Variants in AGBL1 observed in about 807,000 individuals in gnomAD.
AGBL1 encodes the protein cytosolic carboxypeptidase 4.
AGBL1 carries 130 observed loss-of-function variants against 118.9 expected under a neutral mutation model. That is an observed-to-expected ratio of 1.09 (90% CI 0.95 to 1.26). The LOEUF (loss-of-function observed/expected upper bound fraction) is 1.26. Ranked by LOEUF, AGBL1 falls within the 50% of genes most tolerant of loss-of-function variation. AGBL1 has a pLI of 0.00. For synonymous variants in AGBL1, 555 were observed against 478.9 expected (o/e 1.16, Z -2.08); for missense variants, 1,584 against 1,298.1 (o/e 1.22, Z -3.38).
chr15:86,401,466 CT>C (rs527532028), intron 18 of AGBL1, among the ~76,000 whole-genome samples: 24 of 151,954 alleles, frequency 1.6e-4, no homozygotes, highest in Non-Finnish European at 2.9e-4. Flanking sequence ...AATTAGGTCT[CT>C]TTTTTTGTTG....
intron 17 of AGBL1, among the ~76,000 whole-genome samples, chr15:86,320,458 T>G (rs1178695824): frequency 6.6e-6 from 1 of 152,110 alleles, no homozygotes; most frequent in Non-Finnish European, 1.5e-5. Context: ...TATATTTGTT[T>G]TGTATTTTAA....
At chr15:86,583,349 C>A (rs2084200419) in intron 21 of AGBL1, among the ~76,000 whole-genome samples, 1 of 151,906 alleles carries the variant, frequency 6.6e-6, no homozygotes, top group Non-Finnish European at 1.5e-5. Context: ...CCCTCCCTAC[C>A]CCTCTCTCCA....
At chr15:86,719,753 G>A (rs894837526) in intron 22 of AGBL1, among the ~76,000 whole-genome samples, 4 of 152,198 alleles carry the variant, frequency 2.6e-5, no homozygotes, top group Admixed American at 6.5e-5. Flanking sequence ...ACACTAAAAT[G>A]TATCACTTGT....
At chr15:86,356,701 GT>G (rs991956592) in intron 17 of AGBL1, among the ~76,000 whole-genome samples, 1 of 152,300 alleles carries the variant, frequency 6.6e-6, no homozygotes, top group Admixed American at 6.5e-5. Flanking sequence ...CCTGAGACAA[GT>G]TTTTTGAGTT....
At chr15:86,306,299 C>T (rs1189872006) in intron 17 of AGBL1, among the ~76,000 whole-genome samples, 1 of 152,100 alleles carries the variant, frequency 6.6e-6, no homozygotes, top group African/African-American at 2.4e-5. Context: ...CTCCACCTCC[C>T]CCTGTGACCC....
intron 5 of AGBL1, among the ~76,000 whole-genome samples, chr15:86,191,542 A>G (rs866386133): frequency 3.3e-5 from 5 of 152,166 alleles, no homozygotes; most frequent in Admixed American, 6.5e-5. Context: ...TAGAATGACA[A>G]TAATTTATAA....
chr15:86,853,296 A>G (rs2079432159), intron 22 of AGBL1, among the ~76,000 whole-genome samples: 1 of 152,218 alleles, frequency 6.6e-6, no homozygotes, highest in South Asian at 2.1e-4. Context: ...TCACACGTCT[A>G]ATGCTCATAC....
chr15:86,836,062 TAGAA>T (rs1405162290), intron 22 of AGBL1, among the ~76,000 whole-genome samples: 2 of 152,216 alleles, frequency 1.3e-5, no homozygotes, highest in Admixed American at 1.3e-4. Context: ...TCTGCAGTCT[TAGAA>T]AGAAAACCTC....
At chr15:86,201,770 A>C (rs2141857948) in intron 5 of AGBL1, among the ~76,000 whole-genome samples, 1 of 152,248 alleles carries the variant, frequency 6.6e-6, no homozygotes, top group East Asian at 1.9e-4. Context: ...CATTGACAAA[A>C]ATCATTTATG....
intron 21 of AGBL1, among the ~76,000 whole-genome samples, chr15:86,571,205 C>G (rs2084001913): frequency 6.6e-6 from 1 of 152,144 alleles, no homozygotes. Context: ...AGGGAGCTCC[C>G]AGGTCTGAGA....
rs146301090 is a variant in AGBL1 at position 86,442,096 on chromosome 15, G to A, written c.2555+44550G>A. Among the ~76,000 whole-genome samples, 58 of 152,328 alleles carry A rather than the reference G, an allele frequency of 3.8e-4. No individual in the cohort carries two copies. In the Middle Eastern group the frequency reaches 0.014, roughly 36 times the overall value. ...TCAAGATAGAAGCAAAGCATGGTTCGAGACAACTGTTTGCAAGGAGCCGGG... is the reference window on the plus strand; with the variant it reads ...TCAAGATAGAAGCAAAGCATGGTTCAAGACAACTGTTTGCAAGGAGCCGGG... On this transcript the variant is annotated intron_variant, in intron 18 of 22. Coordinates refer to ENST00000614907, the MANE Select transcript of AGBL1 (RefSeq NM_001386094.1).
At position 86,149,591 on chromosome 15, in the gene AGBL1, A is replaced by G. The variant is rs144278819; in HGVS notation, c.263-4839A>G. On this transcript the variant is annotated intron_variant, in intron 3 of 22. Transcript: ENST00000614907. ...AAGAAGAGCTAACTCTCCTAAATAT[A>G]TATGCATCCAATACAGGAGCACCCA... is the stretch of plus-strand genomic sequence containing the variant. 4.4e-3 allele frequency among the ~76,000 whole-genome samples: 669 copies of G among 152,308 alleles called. 5 individuals carry two copies. The highest frequency in any genetic ancestry group is 0.015 in the African/African-American group (642 of 41,552).
intron 22 of AGBL1, among the ~76,000 whole-genome samples, chr15:86,739,764 A>T (rs1401927534): frequency 6.6e-6 from 1 of 152,302 alleles, no homozygotes; most frequent in East Asian, 1.9e-4. Context: ...CACTGGAAAC[A>T]AGGGAGGATG....
chr15:86,449,234 T>A (rs554235863), intron 18 of AGBL1, among the ~76,000 whole-genome samples: 1 of 152,346 alleles, frequency 6.6e-6, no homozygotes, highest in Admixed American at 6.5e-5. Flanking sequence ...TGTGCCTGTT[T>A]ACTAAGTGCC....
chr15:86,869,697 A>C (rs1366950354), intron 22 of AGBL1, among the ~76,000 whole-genome samples: 1 of 152,124 alleles, frequency 6.6e-6, no homozygotes, highest in Non-Finnish European at 1.5e-5. Context: ...TAACAATAAT[A>C]ATTATTATAA....
chr15:86,528,747 G>C (rs1283954217), intron 19 of AGBL1, among the ~76,000 whole-genome samples: 1 of 78,232 alleles, frequency 1.3e-5, no homozygotes. Context: ...CTCCCAGCAC[G>C]CAGCTGGAGA....
intron 17 of AGBL1, among the ~76,000 whole-genome samples, chr15:86,331,229 A>C (rs1395641202): frequency 6.6e-6 from 1 of 151,614 alleles, no homozygotes; most frequent in Non-Finnish European, 1.5e-5. Context: ...ATCTCAAAAA[A>C]AAAAAAAAAA....
chr15:86,640,602 T>C lies in AGBL1; in HGVS notation c.2995-33671T>C, dbSNP rs1188322361. 2.0e-5 allele frequency among the ~76,000 whole-genome samples: 3 copies of C among 152,152 alleles called. No homozygotes were observed. The South Asian group carries it at 6.2e-4, about 31-fold the overall frequency. ...GGTAAAATAATATTCCACTCAAATATATGTAATAACAAGTTTAACCATTTC... is the reference window on the plus strand; with the variant it reads ...GGTAAAATAATATTCCACTCAAATACATGTAATAACAAGTTTAACCATTTC... On this transcript the variant is annotated intron_variant, in intron 21 of 22. Coordinates refer to ENST00000614907, the MANE Select transcript of AGBL1 (RefSeq NM_001386094.1).
intron 17 of AGBL1, among the ~76,000 whole-genome samples, chr15:86,349,657 A>G (rs1229244009): frequency 6.6e-6 from 1 of 152,214 alleles, no homozygotes; most frequent in East Asian, 1.9e-4. Context: ...GCCAGTTGCA[A>G]TGAACCTGTC....
Sources: gnomAD v4.1 joint callset for allele counts (sites outside exome capture counted in the v4.1 genomes callset) on GRCh38, gnomAD v4.1.1 for gene constraint, MANE v1.5 for transcripts, NCBI Gene and HGNC (gene_info 2026-07-23, HGNC 2026-07-21) for gene names.